The following TPCN1 variants were observed in gnomAD, a reference collection of about 807,000 sequenced individuals.
TPCN1 encodes two pore channel protein 1.
In TPCN1, 52 loss-of-function variants were observed where a neutral mutation model predicts 108.8. The observed-to-expected ratio is 0.48, with a 90% CI of 0.38 to 0.60. The LOEUF (loss-of-function observed/expected upper bound fraction) is 0.60. Ranked by LOEUF, TPCN1 falls within the 20% of genes least tolerant of loss-of-function variation. The pLI is 0.00. For missense variants in TPCN1, 806 were observed against 1,072.8 expected (o/e 0.75, Z 3.47); for synonymous variants, 446 against 433.7 (o/e 1.03, Z -0.35).
rs1297985654 is a variant in TPCN1, at chr12:113,290,935, C to T, written c.1913-17C>T. 1 of 1,613,588 alleles carries T rather than the reference C, an allele frequency of 6.2e-7. No individual in the cohort carries two copies. Among genetic ancestry groups the T allele is most frequent in the Non-Finnish European group, 8.5e-7 (1 of 1,179,882 alleles). On this transcript the variant is annotated splice_polypyrimidine_tract_variant and intron_variant, in intron 22 of 27. Transcript: ENST00000335509. Reference sequence around the variant, plus strand: ...TGGGGTCTCATCAGGATGCTTCTTTCTCTCTTCCCTCGGCAGTGACCCTGT... The same window carrying T: ...TGGGGTCTCATCAGGATGCTTCTTTTTCTCTTCCCTCGGCAGTGACCCTGT...
chr12:113,281,808 G>A (rs1170862946), intron 15 of TPCN1, among the ~76,000 whole-genome samples: 1 of 152,162 alleles, frequency 6.6e-6, no homozygotes, highest in Non-Finnish European at 1.5e-5. Flanking sequence ...CGAAGTGCTG[G>A]GAGTACGGGT....
At chr12:113,250,902 G>C (rs926580392) in intron 2 of TPCN1, among the ~76,000 whole-genome samples, 5 of 151,944 alleles carry the variant, frequency 3.3e-5, no homozygotes, top group Non-Finnish European at 5.9e-5. Context: ...AGAAGTAGAG[G>C]TTGTAGTGAG....
chr12:113,249,957 G>C (rs1444414874), intron 2 of TPCN1: 2 of 152,272 alleles, frequency 1.3e-5, no homozygotes, highest in Non-Finnish European at 2.9e-5. Context: ...AAATGGGGAT[G>C]CTGATGGTAT....
intron 12 of TPCN1, 78 bp downstream of exon 12, chr12:113,277,442 C>T: frequency 1.9e-6 from 3 of 1,579,486 alleles, no homozygotes; most frequent in Non-Finnish European, 2.6e-6. Context: ...CATGTGAAGG[C>T]CCTTGAGGTG....
chr12:113,228,955 C>T (rs1014493366), intron 2 of TPCN1, among the ~76,000 whole-genome samples: 17 of 152,212 alleles, frequency 1.1e-4, no homozygotes, highest in East Asian at 1.9e-4. Flanking sequence ...TGGCTGTCAT[C>T]GTGAGTGTCA....
At position 113,277,337 on chromosome 12, in the gene TPCN1, T is replaced by G; in HGVS notation, c.1157T>G (p.Leu386Arg). 6.2e-7 allele frequency: 1 copy of G among 1,614,162 alleles called. No individual in the cohort carries two copies. Among genetic ancestry groups the G allele is most frequent in the Non-Finnish European group, 8.5e-7 (1 of 1,180,024 alleles). Residue 386 changes from leucine (L) to arginine (R), a missense_variant, in exon 12 of 28, where the codon CTG becomes CGG. Leu to Arg is a moderately radical substitution (Grantham distance 102). Transcript: ENST00000335509. ...GAGCGCTATCTTACCTTCAAGGCCC[T>G]GAATCAGAACAACACACCCCTGCTC... ...ARERYLTFKA[L>R]NQNNTPLLSL...
chr12:113,253,892 A>C (rs1167804747), intron 2 of TPCN1, among the ~76,000 whole-genome samples: 2 of 152,230 alleles, frequency 1.3e-5, no homozygotes, highest in Non-Finnish European at 2.9e-5. Flanking sequence ...TTTGGCATAC[A>C]GTAAACCTCA....
chr12:113,245,600 C>CAAAAA (rs766002477), intron 2 of TPCN1, among the ~76,000 whole-genome samples: 42 of 41,560 alleles, frequency 1.0e-3, no homozygotes, highest in East Asian at 1.6e-3. Context: ...GACTCCGTCT[C>CAAAAA]AAAAAAAAAA....
In TPCN1 at chr12:113,266,918, A is replaced by AGGCCCTCCAT. The variant is rs1281423834; in HGVS notation, c.414+564_414+573dup. On this transcript the variant is annotated intron_variant, in intron 4 of 27. Coordinates refer to ENST00000335509, the MANE Select transcript of TPCN1 (RefSeq NM_017901.6). This position sits in a 1 kb window ranked among gnomAD's most constrained non-coding sequence, Gnocchi z 4.2. Reference sequence around the variant, plus strand: ...AAGCGCTCATCCAGCCTGGCCTCCAAGGCCCTCCATGACTCAGTTTCCCTT... The same window carrying AGGCCCTCCAT: ...AAGCGCTCATCCAGCCTGGCCTCCAAGGCCCTCCATGGCCCTCCATGACTCAGTTTCCCTT... 6.6e-6 allele frequency among the ~76,000 whole-genome samples: 1 copy of AGGCCCTCCAT among 152,192 alleles called. No homozygotes were observed. The highest frequency in any genetic ancestry group is 2.4e-5 in the African/African-American group (1 of 41,444).
At chr12:113,242,126 C>T (rs774520345) in intron 2 of TPCN1, among the ~76,000 whole-genome samples, 18 of 152,180 alleles carry the variant, frequency 1.2e-4, no homozygotes, top group African/African-American at 3.6e-4. Context: ...TAAAAATGAC[C>T]GTGGCGGCCC....
chr12:113,224,028 G>T (rs1953375017), intron 1 of TPCN1, among the ~76,000 whole-genome samples: 1 of 152,198 alleles, frequency 6.6e-6, no homozygotes, highest in African/African-American at 2.4e-5. Context: ...GTTCTGAGAG[G>T]CTGCATGGTA....
At position 113,266,072 on chromosome 12, in the gene TPCN1, T is replaced by A. The variant is rs1418532244; in HGVS notation, c.238-108T>A. On this transcript the variant is annotated intron_variant, in intron 3 of 27. Transcript: ENST00000335509. The surrounding 1 kb of genome is among the most constrained non-coding windows in gnomAD (Gnocchi z 4.2). The stretch of plus-strand genomic sequence containing the variant: ...CAGCATCTTCTGTCTCTGGCCTGAA[T>A]CTCTCCTCGCCTGCCTGGGGCCTTC... 22 of 1,218,252 alleles carry A rather than the reference T, an allele frequency of 1.8e-5. No homozygotes were observed. Among genetic ancestry groups the A allele is most frequent in the Non-Finnish European group, 2.6e-5 (22 of 859,656 alleles). The allele number at this position is 1,218,252 out of a possible 1,614,324, so 75.5% of individuals were successfully genotyped here.
rs1953342241 is a variant in TPCN1, at chr12:113,223,438, T to TTC, written c.-126+1813_-126+1814insCT. ...TCTGCAGTCAGATCTGCTGAGTCTT[T>TTC]TTTTTTTTTTTTTTGGTTCTTCTCA... On this transcript the variant is annotated intron_variant, in intron 1 of 27. Transcript: ENST00000335509. Among the ~76,000 whole-genome samples the TTC allele has an allele frequency of 2.0e-5, 3 of 150,764 alleles. 1 individual carries two copies. In the East Asian group the frequency reaches 5.8e-4, roughly 29 times the overall value.
In TPCN1 at chr12:113,288,190, C is replaced by G. The variant is rs776436515; in HGVS notation, c.1662C>G (p.Arg554=). The G allele has an allele frequency of 6.2e-7, 1 of 1,613,822 alleles. No homozygotes were observed. Among genetic ancestry groups the G allele is most frequent in the Non-Finnish European group, 8.5e-7 (1 of 1,179,926 alleles). The change falls in exon 20 of 28, where the codon CGC becomes CGG. Residue 554 remains arginine, a synonymous_variant. Transcript: ENST00000335509. The surrounding 1 kb of genome is among the most constrained non-coding windows in gnomAD (Gnocchi z 4.8). ...TGTTTAAGTTGAAGGAGCGCTACCGCAACGTGCTGGACACCATGTTCGAGC... is the reference window on the plus strand; with the variant it reads ...TGTTTAAGTTGAAGGAGCGCTACCGGAACGTGCTGGACACCATGTTCGAGC... ...LRLFKLKERY[R]NVLDTMFELL...
intron 2 of TPCN1, among the ~76,000 whole-genome samples, chr12:113,244,922 G>C (rs1954296191): frequency 6.6e-6 from 1 of 152,118 alleles, no homozygotes; most frequent in African/African-American, 2.4e-5. Flanking sequence ...GGATGTGCGA[G>C]GGTGTATGTG....
At chr12:113,255,460 A>C (rs749457007) in intron 2 of TPCN1, among the ~76,000 whole-genome samples, 1 of 152,102 alleles carries the variant, frequency 6.6e-6, no homozygotes, top group Non-Finnish European at 1.5e-5. Context: ...AATAGATCTG[A>C]CATAATTTCA....
chr12:113,233,080 G>A (rs1953748441), intron 2 of TPCN1, among the ~76,000 whole-genome samples: 1 of 152,176 alleles, frequency 6.6e-6, no homozygotes, highest in Non-Finnish European at 1.5e-5. Flanking sequence ...CATCCAGCAT[G>A]CTGGGCGAGA....
chr12:113,264,001 C>G lies in TPCN1; in HGVS notation c.238-2179C>G, dbSNP rs74937257. 2.0e-5 allele frequency among the ~76,000 whole-genome samples: 3 copies of G among 152,304 alleles called. No homozygotes were observed. In the East Asian group the frequency reaches 5.8e-4, roughly 29 times the overall value. On this transcript the variant is annotated intron_variant, in intron 3 of 27. Coordinates refer to ENST00000335509, the MANE Select transcript of TPCN1 (RefSeq NM_017901.6). ...AAGTCCTAGAGTTAAAATCTGAGCC[C>G]CATGTCAGTGGTTCTTCTAGCGAGA... is the stretch of plus-strand genomic sequence containing the variant.
Position 113,268,495 on chromosome 12 carries a change from C to T in TPCN1, c.529-247C>T, listed in dbSNP as rs1368950379. On this transcript the variant is annotated intron_variant, in intron 5 of 27. Coordinates refer to ENST00000335509, the MANE Select transcript of TPCN1 (RefSeq NM_017901.6). The surrounding 1 kb of genome is among the most constrained non-coding windows in gnomAD (Gnocchi z 7.3). ...GGGTCCTGGCAGAGTGGCGGTTTTGCCTCCTCAGTGGATACCAGCAGTCAC... is the reference window on the plus strand; with the variant it reads ...GGGTCCTGGCAGAGTGGCGGTTTTGTCTCCTCAGTGGATACCAGCAGTCAC... Among the ~76,000 whole-genome samples the T allele has an allele frequency of 6.6e-6, 1 of 152,310 alleles. No homozygotes were observed. The highest frequency in any genetic ancestry group is 2.1e-4 in the South Asian group (1 of 4,832).
Sources: gnomAD v4.1 joint callset for allele counts (sites outside exome capture counted in the v4.1 genomes callset) on GRCh38, gnomAD v4.1.1 for gene constraint, Gnocchi (gnomAD v3.1) non-coding constraint, MANE v1.5 for transcripts, NCBI Gene and HGNC (gene_info 2026-07-23, HGNC 2026-07-21) for gene names.